The following TRDN variants were observed in gnomAD, a reference collection of about 807,000 sequenced individuals.
TRDN encodes the protein triadin in skeletal muscle.
TRDN carries 161 observed loss-of-function variants against 149.7 expected under a neutral mutation model. The observed-to-expected ratio is 1.08, with a 90% confidence interval of 0.95 to 1.23. TRDN has a LOEUF of 1.23. Ranked by LOEUF, TRDN falls within the 50% of genes most tolerant of loss-of-function variation. TRDN has a pLI of 0.00. For missense variants in TRDN, 896 were observed against 823.5 expected (o/e 1.09, Z -1.08); for synonymous variants, 294 against 250.5 (o/e 1.17, Z -1.64).
At chr6:123,434,440 A>T (rs1201672735) in intron 12 of TRDN, among the ~76,000 whole-genome samples, 1 of 152,130 alleles carries the variant, frequency 6.6e-6, no homozygotes, top group Non-Finnish European at 1.5e-5. Context: ...CATTTCCAGG[A>T]TCTAGTCTTT....
In TRDN at chr6:123,411,246, C is replaced by T. The variant is rs539873225; in HGVS notation, c.1052-17569G>A. On this transcript the variant is annotated intron_variant, in intron 12 of 40. Transcript: ENST00000334268. ...ATTTTTAGTAGAGACGAGCTTTCTC[C>T]GTGTTGGCAGGGCGGGTCTCGAACT... Among the ~76,000 whole-genome samples the T allele has an allele frequency of 6.0e-4, 91 of 151,956 alleles. 1 individual carries two copies. Among genetic ancestry groups the T allele is most frequent in the African/African-American group, 2.0e-3 (81 of 41,444 alleles).
chr6:123,355,127 A>T (rs1017430951), intron 20 of TRDN, among the ~76,000 whole-genome samples: 1 of 151,456 alleles, frequency 6.6e-6, no homozygotes, highest in African/African-American at 2.4e-5. Flanking sequence ...AATGTTTTTT[A>T]CATTGATTTG....
At chr6:123,549,871 C>A (rs73770168) in intron 2 of TRDN, among the ~76,000 whole-genome samples, 66 of 152,026 alleles carry the variant, frequency 4.3e-4, no homozygotes, top group African/African-American at 1.5e-3. Flanking sequence ...GAGAGAAAGA[C>A]AGAATTCCAG....
At chr6:123,398,205 C>T (rs777738697) in intron 12 of TRDN, among the ~76,000 whole-genome samples, 1 of 152,152 alleles carries the variant, frequency 6.6e-6, no homozygotes, top group Non-Finnish European at 1.5e-5. Context: ...CAGGGTTTCA[C>T]CATGTTGGTC....
At chr6:123,392,830 A>C (rs1276356166) in intron 13 of TRDN, among the ~76,000 whole-genome samples, 1 of 152,078 alleles carries the variant, frequency 6.6e-6, no homozygotes, top group Non-Finnish European at 1.5e-5. Flanking sequence ...ACATTCGGTC[A>C]TACATCATGT....
intron 1 of TRDN, among the ~76,000 whole-genome samples, chr6:123,604,140 T>C (rs947870830): frequency 6.6e-6 from 1 of 152,160 alleles, no homozygotes; most frequent in African/African-American, 2.4e-5. Context: ...AAAAACAAGA[T>C]CTGATCCTTC....
intron 35 of TRDN, among the ~76,000 whole-genome samples, chr6:123,256,473 C>G (rs1325683590): frequency 6.6e-6 from 1 of 152,124 alleles, no homozygotes; most frequent in Non-Finnish European, 1.5e-5. Flanking sequence ...TCCTATATCT[C>G]CACATCATCT....
At chr6:123,382,060 G>A in intron 15 of TRDN, 58 bp downstream of exon 15, 1 of 1,275,880 alleles carries the variant, frequency 7.8e-7, no homozygotes, top group Non-Finnish European at 1.0e-6. Context: ...CTTTAAGAAG[G>A]TATGCTGTTT....
intron 5 of TRDN, among the ~76,000 whole-genome samples, chr6:123,518,139 A>T (rs1779501960): frequency 6.6e-6 from 1 of 152,204 alleles, no homozygotes; most frequent in Non-Finnish European, 1.5e-5. Flanking sequence ...TTGACAATTT[A>T]TTGAAATTTC....
chr6:123,240,751 GC>G (rs1348987783), intron 38 of TRDN, among the ~76,000 whole-genome samples: 1 of 151,848 alleles, frequency 6.6e-6, no homozygotes, highest in African/African-American at 2.4e-5. Flanking sequence ...CTTGTGCAGT[GC>G]TAGATATGGG....
At chr6:123,499,936 T>C (rs1250431457) in intron 8 of TRDN, among the ~76,000 whole-genome samples, 2 of 151,434 alleles carry the variant, frequency 1.3e-5, no homozygotes, top group East Asian at 3.9e-4. Flanking sequence ...TATTAGTCCC[T>C]TTTATATAAA....
intron 12 of TRDN, among the ~76,000 whole-genome samples, chr6:123,422,065 A>G (rs1773928576): frequency 6.6e-6 from 1 of 152,198 alleles, no homozygotes; most frequent in Admixed American, 6.5e-5. Flanking sequence ...AACTATTTAC[A>G]TAACATATAT....
Position 123,433,162 on chromosome 6 carries a change from A to ATATATAATAT in TRDN, c.1051+4900_1051+4901insATATTATATA, listed in dbSNP as rs796874348. Among the ~76,000 whole-genome samples the ATATATAATAT allele has an allele frequency of 8.7e-5, 7 of 80,034 alleles. No individual in the cohort carries two copies. In the East Asian group the frequency reaches 1.2e-3, roughly 13 times the overall value. The allele number at this position is 80,034 out of a possible 152,430, so 52.5% of individuals were successfully genotyped here. A position where few individuals can be genotyped will look rare whatever the true frequency, so the allele number is the denominator to read the frequency against. Reference sequence around the variant, plus strand: ...ATCATAAATATATATATATATATATAATATATATATATATATATATACATC... The same window carrying ATATATAATAT: ...ATCATAAATATATATATATATATATATATATAATATATATATATATATATATATATACATC... On this transcript the variant is annotated intron_variant, in intron 12 of 40. Transcript: ENST00000334268.
intron 9 of TRDN, among the ~76,000 whole-genome samples, chr6:123,465,436 G>C (rs534063506): frequency 1.2e-4 from 18 of 151,658 alleles, no homozygotes; most frequent in African/African-American, 4.3e-4. Flanking sequence ...AAATTCATAG[G>C]CCTTTGATAT....
At chr6:123,474,561 T>A (rs911486133) in intron 9 of TRDN, among the ~76,000 whole-genome samples, 1 of 152,144 alleles carries the variant, frequency 6.6e-6, no homozygotes, top group African/African-American at 2.4e-5. Context: ...AACTCAGCTC[T>A]GCACCAAGCC....
chr6:123,600,734 T>G (rs908809067), intron 1 of TRDN, among the ~76,000 whole-genome samples: 7 of 152,062 alleles, frequency 4.6e-5, no homozygotes, highest in African/African-American at 1.7e-4. Flanking sequence ...AGTAGAACAT[T>G]CATCATTCAA....
intron 12 of TRDN, among the ~76,000 whole-genome samples, chr6:123,434,933 T>C (rs1238390691): frequency 6.6e-6 from 1 of 151,956 alleles, no homozygotes; most frequent in East Asian, 1.9e-4. Context: ...TTTTGTATCA[T>C]ATAAAGCCCA....
chr6:123,338,252 C>G (rs1779945833), intron 21 of TRDN, among the ~76,000 whole-genome samples: 1 of 152,026 alleles, frequency 6.6e-6, no homozygotes, highest in Non-Finnish European at 1.5e-5. Context: ...ATTAGACCCA[C>G]AAACATGAAA....
At chr6:123,278,778 T>A (rs565711600) in intron 25 of TRDN, among the ~76,000 whole-genome samples, 1 of 152,180 alleles carries the variant, frequency 6.6e-6, no homozygotes, top group African/African-American at 2.4e-5. Flanking sequence ...CAAAAAAATT[T>A]TTTTTGAGAA....
Sources: allele counts gnomAD v4.1 joint callset (sites outside exome capture counted in the v4.1 genomes callset), GRCh38; gene constraint gnomAD v4.1.1; transcripts MANE v1.5; gene names NCBI Gene and HGNC (gene_info 2026-07-23, HGNC 2026-07-21).